The following APAF1 variants were observed in gnomAD, a reference collection of about 807,000 sequenced individuals.
The protein encoded by APAF1 is apoptotic protease-activating factor 1.
Under a neutral mutation model 152.4 loss-of-function variants are expected in APAF1, and 91 were observed. The ratio of observed to expected loss-of-function variants is 0.60; its 90% CI spans 0.50 to 0.71. The LOEUF is 0.71. Ranked by LOEUF, APAF1 falls within the 30% of genes least tolerant of loss-of-function variation. APAF1 has a pLI of 0.00. For synonymous variants in APAF1, 484 were observed against 494.1 expected (o/e 0.98, Z 0.27); for missense variants, 1,283 against 1,472.0 (o/e 0.87, Z 2.10).
chr12:98,678,668 G>A (rs2097689101), intron 13 of APAF1, among the ~76,000 whole-genome samples: 1 of 152,252 alleles, frequency 6.6e-6, no homozygotes, highest in African/African-American at 2.4e-5. Flanking sequence ...GGACCTGGAA[G>A]GACCCCCTGC....
chr12:98,724,375 CCACTTT>C (rs753611857), intron 24 of APAF1, among the ~76,000 whole-genome samples: 23 of 152,300 alleles, frequency 1.5e-4, no homozygotes, highest in Non-Finnish European at 2.9e-4. Context: ...TGCACCTCTT[CCACTTT>C]ATCTTCCATA....
chr12:98,648,268 T>C, intron 1 of APAF1, 51 bp from the exon 2 acceptor site: 1 of 1,478,004 alleles, frequency 6.8e-7, no homozygotes, highest in South Asian at 1.2e-5. Flanking sequence ...AGATTATGTA[T>C]CTTTTCATAT....
intron 26 of APAF1, among the ~76,000 whole-genome samples, chr12:98,729,659 A>C (rs932435169): frequency 6.6e-6 from 1 of 152,224 alleles, no homozygotes; most frequent in African/African-American, 2.4e-5. Flanking sequence ...ATAAGATCTT[A>C]TGATACTGTT....
intron 16 of APAF1, 118 bp downstream of exon 16, chr12:98,686,991 T>C: frequency 9.8e-7 from 1 of 1,021,352 alleles, no homozygotes; most frequent in Non-Finnish European, 1.5e-6. Context: ...TTCTTTCAAT[T>C]TCCAGGAGCA....
At chr12:98,680,871 A>G (rs533106338) in intron 14 of APAF1, among the ~76,000 whole-genome samples, 1 of 152,332 alleles carries the variant, frequency 6.6e-6, no homozygotes, top group South Asian at 2.1e-4. Flanking sequence ...CTTTGAGTGC[A>G]TTGTGATTAG....
chr12:98,660,378 A>G (rs2097663542), intron 5 of APAF1, among the ~76,000 whole-genome samples: 1 of 152,056 alleles, frequency 6.6e-6, no homozygotes, highest in Non-Finnish European at 1.5e-5. Context: ...AGGATTTTTA[A>G]TGGGGCTCTT....
At chr12:98,675,921 G>A (rs1156374033) in intron 12 of APAF1, among the ~76,000 whole-genome samples, 1 of 152,124 alleles carries the variant, frequency 6.6e-6, no homozygotes, top group African/African-American at 2.4e-5. Flanking sequence ...TGATAGTAGT[G>A]GCACCTTTAT....
Position 98,708,606 on chromosome 12 carries a change from T to C in APAF1, c.2743T>C (p.Cys915Arg), listed in dbSNP as rs2097724428. 1.2e-6 allele frequency: 2 copies of C among 1,613,516 alleles called. No homozygotes were observed. Among genetic ancestry groups the C allele is most frequent in the Admixed American group, 1.7e-5 (1 of 60,010 alleles). Residue 915 changes from cysteine to arginine, a missense_variant, in exon 20 of 27, where the codon TGT becomes CGT. Cys to Arg is a radical substitution (Grantham distance 180). Transcript: ENST00000551964. ...TCAGCTCTGGGAGACAAAGAAAGTA[T>C]GTAAGAACTCTGCTGTAATGTTAAA... ...TIRLWETKKV[C>R]KNSAVMLKQE...
At chr12:98,651,461 T>C (rs1444130797) in intron 4 of APAF1, among the ~76,000 whole-genome samples, 2 of 152,210 alleles carry the variant, frequency 1.3e-5, no homozygotes, top group African/African-American at 4.8e-5. Context: ...TTTTAAGATT[T>C]ATCCTTGTTG....
chr12:98,661,624 T>G (rs1011151643), intron 5 of APAF1, among the ~76,000 whole-genome samples: 6 of 152,014 alleles, frequency 3.9e-5, no homozygotes. Flanking sequence ...TACAGGCTTG[T>G]GCCACCTCGC....
chr12:98,710,328 A>AG (rs1030326900), intron 20 of APAF1, among the ~76,000 whole-genome samples: 8 of 152,238 alleles, frequency 5.3e-5, no homozygotes, highest in African/African-American at 1.9e-4. Flanking sequence ...ATTAACTTCT[A>AG]GGGAAAGGTT....
intron 14 of APAF1, among the ~76,000 whole-genome samples, 186 bp from the exon 15 acceptor site, chr12:98,682,956 TA>T: frequency 6.6e-6 from 1 of 152,324 alleles, no homozygotes; most frequent in East Asian, 1.9e-4. Flanking sequence ...TAATTTTTTT[TA>T]AACATTAAGG....
chr12:98,715,613 A>G (rs1359125815), intron 22 of APAF1, 61 bp downstream of exon 22: 2 of 1,582,616 alleles, frequency 1.3e-6, no homozygotes, highest in African/African-American at 2.7e-5. Context: ...GAACACTATG[A>G]TTATGCCTAA....
intron 4 of APAF1, among the ~76,000 whole-genome samples, chr12:98,657,504 C>G (rs900785651): frequency 9.2e-5 from 14 of 152,172 alleles, no homozygotes; most frequent in African/African-American, 3.1e-4. Flanking sequence ...TTCAAAGACT[C>G]CATGTCACTT....
chr12:98,675,145 T>C (rs555794462), intron 12 of APAF1, among the ~76,000 whole-genome samples: 1 of 152,212 alleles, frequency 6.6e-6, no homozygotes, highest in Non-Finnish European at 1.5e-5. Context: ...AAAGAATGCT[T>C]TATTTAAGTA....
At chr12:98,717,006 C>T (rs1301326276) in intron 22 of APAF1, among the ~76,000 whole-genome samples, 1 of 151,898 alleles carries the variant, frequency 6.6e-6, no homozygotes, top group Non-Finnish European at 1.5e-5. Flanking sequence ...GCTGGGATTA[C>T]AGCCGTATGC....
At chr12:98,691,447 T>C (rs2097704132) in intron 16 of APAF1, among the ~76,000 whole-genome samples, 1 of 152,154 alleles carries the variant, frequency 6.6e-6, no homozygotes, top group African/African-American at 2.4e-5. Flanking sequence ...CATTCTGTTT[T>C]TCTCTTTCCC....
intron 5 of APAF1, among the ~76,000 whole-genome samples, chr12:98,659,581 A>G (rs559261786): frequency 4.7e-4 from 71 of 152,026 alleles, no homozygotes; most frequent in Non-Finnish European, 8.1e-4. Context: ...GTGAAACCCC[A>G]TCTCTACTAA....
rs1445453802 is a variant in APAF1 at position 98,665,753 on chromosome 12, C to T, written c.1156C>T (p.Leu386Phe). 1.2e-6 allele frequency: 2 copies of T among 1,613,964 alleles called. No individual in the cohort carries two copies. The highest frequency in any genetic ancestry group is 1.1e-5 in the South Asian group (1 of 91,064). ...REDIKDYYTD[L>F]SILQKDVKVP... is the part of the protein sequence containing the mutation. The stretch of plus-strand genomic sequence containing the variant: ...AGACATCAAAGATTATTACACAGAT[C>T]TTTCCATCCTTCAGAAGGACGTTAA... Residue 386 changes from leucine (L) to phenylalanine (F), a missense_variant, in exon 8 of 27, where the codon CTT (leucine) becomes TTT (phenylalanine). Leu to Phe is a conservative substitution (Grantham distance 22, BLOSUM62 0). Transcript: ENST00000551964.
Sources: gnomAD v4.1 joint callset for allele counts (sites outside exome capture counted in the v4.1 genomes callset) on GRCh38, gnomAD v4.1.1 for gene constraint, MANE v1.5 for transcripts, NCBI Gene and HGNC (gene_info 2026-07-23, HGNC 2026-07-21) for gene names.